The following MCF2L2 variants were observed in gnomAD, a reference collection of about 807,000 sequenced individuals.
MCF2L2 encodes the protein probable guanine nucleotide exchange factor MCF2L2.
In MCF2L2, 102 loss-of-function variants were observed where a neutral mutation model predicts 150.2. That is an observed-to-expected ratio of 0.68 (90% confidence interval 0.58 to 0.80). The LOEUF is 0.80. Among genes scored for constraint, MCF2L2 ranks in the 30% least tolerant of loss-of-function variants. MCF2L2 has a pLI of 0.00. For missense variants in MCF2L2, 1,256 were observed against 1,372.8 expected (o/e 0.91, Z 1.34); for synonymous variants, 465 against 491.3 (o/e 0.95, Z 0.71).
chr3:183,338,187 C>T (rs1316845064), intron 5 of MCF2L2, among the ~76,000 whole-genome samples: 1 of 151,818 alleles, frequency 6.6e-6, no homozygotes, highest in African/African-American at 2.4e-5. Flanking sequence ...TGGCTCATGT[C>T]TGTAATCCCA....
chr3:183,365,083 T>C (rs1712447011), intron 3 of MCF2L2, among the ~76,000 whole-genome samples: 1 of 152,198 alleles, frequency 6.6e-6, no homozygotes, highest in African/African-American at 2.4e-5. Context: ...AAGGATATAA[T>C]GGTGGATAGA....
chr3:183,188,100 AT>A (rs1168437198), intron 27 of MCF2L2, among the ~76,000 whole-genome samples: 1 of 152,200 alleles, frequency 6.6e-6, no homozygotes, highest in Non-Finnish European at 1.5e-5. Flanking sequence ...TGTAACTATG[AT>A]GGCCAAGTCC....
chr3:183,179,304 G>C lies in MCF2L2; in HGVS notation c.*76C>G. ...GGCTGCTTTCTGCGTAGCTGGGCAG[G>C]GCCCGGGCCCCCACACCGCCTCTCC... On this transcript the variant is annotated 3_prime_UTR_variant, in exon 30 of 30. Transcript: ENST00000328913. This position sits in a 1 kb window ranked among gnomAD's most constrained non-coding sequence, Gnocchi z 4.2. 7.3e-7 allele frequency: 1 copy of C among 1,372,548 alleles called. No individual in the cohort carries two copies. Among genetic ancestry groups the C allele is most frequent in the South Asian group, 1.7e-5 (1 of 58,824 alleles). The allele number at this position is 1,372,548 out of a possible 1,614,324, so 85.0% of individuals were successfully genotyped here. A position where few individuals can be genotyped will look rare whatever the true frequency, so the allele number is the denominator to read the frequency against.
At chr3:183,402,997 G>A (rs1714852671) in intron 1 of MCF2L2, among the ~76,000 whole-genome samples, 2 of 151,824 alleles carry the variant, frequency 1.3e-5, no homozygotes, top group African/African-American at 4.8e-5. Flanking sequence ...AGCAACAGAC[G>A]AGGCCAGGTG....
At chr3:183,216,135 C>T (rs2108655852) in intron 21 of MCF2L2, 41 bp from the exon 22 acceptor site, 2 of 1,604,820 alleles carry the variant, frequency 1.2e-6, no homozygotes, top group Non-Finnish European at 1.7e-6. Context: ...AAAAGTATAC[C>T]ATCTGCAAAG....
chr3:183,230,571 T>A (rs887584034), intron 16 of MCF2L2, among the ~76,000 whole-genome samples: 1 of 152,338 alleles, frequency 6.6e-6, no homozygotes, highest in Admixed American at 6.5e-5. Flanking sequence ...TCCTTAAGAT[T>A]ATTCCCTTAG....
intron 3 of MCF2L2, among the ~76,000 whole-genome samples, chr3:183,370,825 A>C (rs959880): frequency 0.32 from 48,265 of 152,124 alleles, 11,749 homozygotes; most frequent in African/African-American, 0.68. Context: ...TCTTAATAAA[A>C]CCAAGGAGTG....
rs774897883 is a variant in MCF2L2, at chr3:183,229,761, A to T, written c.1950T>A (p.Asp650Glu). 1 of 1,578,474 alleles carries T rather than the reference A, an allele frequency of 6.3e-7. No individual in the cohort carries two copies. The highest frequency in any genetic ancestry group is 8.7e-7 in the Non-Finnish European group (1 of 1,149,460). The part of the protein sequence containing the change: ...SIIDGYITPM[D>E]FIWLKHLIPD... ...GAATTAGATGCTTTAGCCAAATAAA[A>T]TCCATTGGAGTGATATATCCCTGCA... Residue 650 changes from aspartate (D) to glutamate (E), a missense_variant, in exon 17 of 30, where the codon GAT becomes GAA. Physicochemically the swap from Asp to Glu is conservative, Grantham distance 45 (BLOSUM62 2). Transcript: ENST00000328913.
chr3:183,321,652 GCAT>G (rs1729819021), intron 6 of MCF2L2, among the ~76,000 whole-genome samples: 1 of 152,070 alleles, frequency 6.6e-6, no homozygotes, highest in South Asian at 2.1e-4. Flanking sequence ...CTAATGTGAA[GCAT>G]AATAAAATGA....
At position 183,227,212 on chromosome 3, in the gene MCF2L2, C is replaced by T. The variant is rs1723374501; in HGVS notation, c.2115+1085G>A. 1 of 152,178 alleles carries T rather than the reference C, an allele frequency of 6.6e-6. No homozygotes were observed. Among genetic ancestry groups the T allele is most frequent in the Non-Finnish European group, 1.5e-5 (1 of 68,048 alleles). 9.4% of individuals were successfully genotyped at this position (152,178 alleles called of 1,614,324 possible). The stretch of plus-strand genomic sequence containing the variant: ...TTTAGAAGGCACAGGGGGTCAGGAT[C>T]ATCTCCATGGTCGTGTCCTAGAAAG... On this transcript the variant is annotated intron_variant, in intron 18 of 29. Transcript: ENST00000328913. The surrounding 1 kb of genome is among the most constrained non-coding windows in gnomAD (Gnocchi z 4.0).
chr3:183,296,040 T>C (rs1465199580), intron 12 of MCF2L2: 1 of 153,268 alleles, frequency 6.5e-6, no homozygotes, highest in Non-Finnish European at 1.5e-5. Flanking sequence ...CCTGAGTCCA[T>C]GGATGGACTT....
intron 15 of MCF2L2, among the ~76,000 whole-genome samples, chr3:183,251,229 T>A (rs1055190916): frequency 2.0e-5 from 3 of 152,166 alleles, no homozygotes; most frequent in African/African-American, 7.2e-5. Context: ...AAAGACAAAT[T>A]TCGCTAAACA....
In MCF2L2 at chr3:183,363,285, T is replaced by C. The variant is rs572706205; in HGVS notation, c.275+16012A>G. Among the ~76,000 whole-genome samples, 6 of 152,298 alleles carry C rather than the reference T, an allele frequency of 3.9e-5. No individual in the cohort carries two copies. The South Asian group carries it at 8.3e-4, about 21-fold the overall frequency. On this transcript the variant is annotated intron_variant, in intron 3 of 29. Transcript: ENST00000328913. The stretch of plus-strand genomic sequence containing the variant: ...TACCATAACAAAACTACACATACTC[T>C]TACCATAAGATCCATTAATTTTGCT...
At position 183,270,969 on chromosome 3, in the gene MCF2L2, T is replaced by G; in HGVS notation, c.1862+5903A>C. 1 of 1,518,716 alleles carries G rather than the reference T, an allele frequency of 6.6e-7. No individual in the cohort carries two copies. Among genetic ancestry groups the G allele is most frequent in the South Asian group, 1.3e-5 (1 of 75,260 alleles). The allele number at this position is 1,518,716 out of a possible 1,614,324, so 94.1% of individuals were successfully genotyped here. A position where few individuals can be genotyped will look rare whatever the true frequency, so the allele number is the denominator to read the frequency against. ...GAATGTTGTATGTTTTCACTGTCACTGAGTCAAACCTGGATGAAAAAAACC... is the reference window on the plus strand; with the variant it reads ...GAATGTTGTATGTTTTCACTGTCACGGAGTCAAACCTGGATGAAAAAAACC... On this transcript the variant is annotated intron_variant, in intron 15 of 29. Transcript: ENST00000328913. The surrounding 1 kb of genome is among the most constrained non-coding windows in gnomAD (Gnocchi z 4.5).
intron 10 of MCF2L2, among the ~76,000 whole-genome samples, chr3:183,306,503 G>A (rs1234802888): frequency 6.6e-6 from 1 of 152,190 alleles, no homozygotes; most frequent in Non-Finnish European, 1.5e-5. Context: ...GGACTCTGCT[G>A]GTATAACAGA....
intron 3 of MCF2L2, among the ~76,000 whole-genome samples, chr3:183,346,450 A>G (rs920907870): frequency 1.3e-5 from 2 of 152,236 alleles, no homozygotes; most frequent in Non-Finnish European, 2.9e-5. Context: ...CCCACAGCCA[A>G]TATCATACTG....
chr3:183,373,718 G>A (rs578262214), intron 3 of MCF2L2: 3 of 152,228 alleles, frequency 2.0e-5, no homozygotes, highest in African/African-American at 7.2e-5. Flanking sequence ...CTGAATTATA[G>A]TCTGGACATT....
chr3:183,369,747 T>C (rs1266953197), intron 3 of MCF2L2, among the ~76,000 whole-genome samples: 1 of 152,174 alleles, frequency 6.6e-6, no homozygotes, highest in African/African-American at 2.4e-5. Context: ...TCCAAATTTA[T>C]GAACCTCCTC....
chr3:183,356,390 G>A (rs958506063), intron 3 of MCF2L2, among the ~76,000 whole-genome samples: 1 of 152,092 alleles, frequency 6.6e-6, no homozygotes, highest in Non-Finnish European at 1.5e-5. Flanking sequence ...GCATGCACCT[G>A]TAGTCCCAGC....
Sources: allele counts gnomAD v4.1 joint callset (sites outside exome capture counted in the v4.1 genomes callset), GRCh38; gene constraint gnomAD v4.1.1; non-coding constraint Gnocchi (gnomAD v3.1); transcripts MANE v1.5; gene names NCBI Gene and HGNC (gene_info 2026-07-23, HGNC 2026-07-21).